CHST15: variants seen among roughly 807,000 people sequenced by gnomAD.
CHST15 encodes B cell RAG associated protein (GALNAC4S-6ST).
A neutral mutation model predicts 53.6 loss-of-function variants in CHST15; 30 were observed. The ratio of observed to expected loss-of-function variants is 0.56; its 90% CI spans 0.42 to 0.76. The LOEUF (loss-of-function observed/expected upper bound fraction) is 0.76, where lower values mean the gene tolerates loss of function less well. Among genes scored for constraint, CHST15 ranks in the 30% least tolerant of loss-of-function variants. The pLI is 0.00. For synonymous variants in CHST15, 296 were observed against 289.8 expected (o/e 1.02, Z -0.22); for missense variants, 627 against 740.5 (o/e 0.85, Z 1.78).
At chr10:124,087,150 G>A (rs1033856383) in intron 1 of CHST15, among the ~76,000 whole-genome samples, 1 of 152,160 alleles carries the variant, frequency 6.6e-6, no homozygotes, top group Admixed American at 6.5e-5. Context: ...CACCTCTCTC[G>A]ACCTCTTAGA....
chr10:124,064,836 C>T (rs990313419), intron 1 of CHST15, among the ~76,000 whole-genome samples: 8 of 152,308 alleles, frequency 5.3e-5, no homozygotes, highest in African/African-American at 7.2e-5. Context: ...CCTGAAACCC[C>T]AGACCACACT....
chr10:124,017,592 G>A (rs565302897), intron 6 of CHST15, among the ~76,000 whole-genome samples: 41 of 152,300 alleles, frequency 2.7e-4, no homozygotes, highest in Middle Eastern at 3.4e-3. Context: ...CTTCTCTCTT[G>A]GACCAGGGCC....
chr10:124,048,802 T>A (rs28446266), intron 1 of CHST15, among the ~76,000 whole-genome samples: 42,535 of 152,046 alleles, frequency 0.28, 6,125 homozygotes, highest in Middle Eastern at 0.39. Flanking sequence ...ACACGGACTT[T>A]GAAGCTCCAA....
At position 124,010,364 on chromosome 10, in the gene CHST15, G is replaced by A. The variant is rs192180685; in HGVS notation, c.1496-25C>T. 243 of 1,537,986 alleles carry A rather than the reference G, an allele frequency of 1.6e-4. No individual in the cohort carries two copies. In the African/African-American group the frequency reaches 2.8e-3, roughly 18 times the overall value. The stretch of plus-strand genomic sequence containing the variant: ...CCTAGAATAAAAGAAGACGAGTCCC[G>A]TAAGGCAGGAGGCATGGCAGGAAGT... On this transcript the variant is annotated intron_variant, in intron 7 of 7. Coordinates refer to ENST00000435907, the MANE Select transcript of CHST15 (RefSeq NM_001270764.2).
intron 1 of CHST15, among the ~76,000 whole-genome samples, chr10:124,076,301 ATGT>A (rs1253979843): frequency 6.6e-6 from 1 of 152,194 alleles, no homozygotes. Flanking sequence ...TCATTAGAGA[ATGT>A]TGGTCCTTGT....
chr10:124,076,749 G>A (rs6588748), intron 1 of CHST15, among the ~76,000 whole-genome samples: 90,821 of 149,080 alleles, frequency 0.61, 27,805 homozygotes, highest in Middle Eastern at 0.71. Context: ...TCGCTCTGTC[G>A]CCCAGGCTGG....
intron 1 of CHST15, among the ~76,000 whole-genome samples, chr10:124,087,586 A>G (rs776759250): frequency 6.6e-6 from 1 of 152,100 alleles, no homozygotes; most frequent in Non-Finnish European, 1.5e-5. Flanking sequence ...TTATAATGAT[A>G]CCCTCTGCTT....
intron 5 of CHST15, among the ~76,000 whole-genome samples, chr10:124,034,766 G>A (rs1214512341): frequency 1.4e-5 from 2 of 139,422 alleles, no homozygotes; most frequent in East Asian, 2.2e-4. Flanking sequence ...CAGGGACGCC[G>A]GCTCCACCCC....
Position 124,044,671 on chromosome 10 carries a change from C to T in CHST15, c.795G>A (p.Gly265=), listed in dbSNP as rs1198016673. ...HFYIIGQPKC[G]TTDLYDRLRL... is the part of the protein sequence containing the mutation. ...GCAGGCGGTCATAGAGGTCTGTGGTCCCGCACTTGGGCTGCCCTATGATGT... is the reference window on the plus strand; with the variant it reads ...GCAGGCGGTCATAGAGGTCTGTGGTTCCGCACTTGGGCTGCCCTATGATGT... Residue 265 remains glycine, a synonymous_variant, in exon 3 of 8, where the codon GGG becomes GGA. Transcript: ENST00000435907. 6.2e-7 allele frequency: 1 copy of T among 1,613,392 alleles called. No homozygotes were observed. The highest frequency in any genetic ancestry group is 1.3e-5 in the African/African-American group (1 of 74,994).
chr10:124,045,602 T>TA, intron 2 of CHST15, 65 bp downstream of exon 2: 1 of 1,435,810 alleles, frequency 7.0e-7, no homozygotes, highest in African/African-American at 1.4e-5. Flanking sequence ...AAGATGGTGA[T>TA]AGAAAGAAAA....
At chr10:124,038,160 G>A (rs1201470230) in intron 5 of CHST15, among the ~76,000 whole-genome samples, 1 of 149,016 alleles carries the variant, frequency 6.7e-6, no homozygotes, top group Non-Finnish European at 1.5e-5. Flanking sequence ...AGGCTGGAGT[G>A]CAGTTGCACC....
intron 3 of CHST15, among the ~76,000 whole-genome samples, chr10:124,044,202 T>G (rs992628736): frequency 8.5e-5 from 12 of 140,972 alleles, no homozygotes; most frequent in Non-Finnish European, 1.5e-4. Context: ...GGCACAGAGC[T>G]GGGAGCGGCA....
In CHST15 at chr10:124,045,124, A is replaced by AAAAAAC. The variant is rs1564882038; in HGVS notation, c.547-206_547-205insGTTTTT. On this transcript the variant is annotated intron_variant, in intron 2 of 7. Transcript: ENST00000435907. ...CCCCGCCGCCCCACAAAAAAAAAAA[A>AAAAAAC]AAAAAAAAAAAAAAAAAAAACTTGG... 1.7e-4 allele frequency among the ~76,000 whole-genome samples: 13 copies of AAAAAAC among 76,140 alleles called. No individual in the cohort carries two copies. The South Asian group carries it at 1.9e-3, about 11-fold the overall frequency. 50.0% of individuals were successfully genotyped at this position (76,140 alleles called of 152,430 possible).
chr10:124,071,543 T>C (rs147806086), intron 1 of CHST15, among the ~76,000 whole-genome samples: 27 of 152,362 alleles, frequency 1.8e-4, no homozygotes, highest in Middle Eastern at 3.4e-3. Context: ...TTAATTTTCA[T>C]GTAGTTCAAC....
At position 124,019,805 on chromosome 10, in the gene CHST15, A is replaced by ACCAGGTGGTGCGGCCC; in HGVS notation, c.1347+1435_1347+1450dup. On this transcript the variant is annotated intron_variant, in intron 6 of 7. Coordinates refer to ENST00000435907, the MANE Select transcript of CHST15 (RefSeq NM_001270764.2). This position sits in a 1 kb window ranked among gnomAD's most constrained non-coding sequence, Gnocchi z 4.6. ...ATGTCTAGACTTCTTCTGAGGCTAG[A>ACCAGGTGGTGCGGCCC]CCAGGTGGTGCGGCCCCATGTGCCA... is the stretch of plus-strand genomic sequence containing the variant. The ACCAGGTGGTGCGGCCC allele has an allele frequency of 1.0e-6, 1 of 985,384 alleles. No homozygotes were observed. Among genetic ancestry groups the ACCAGGTGGTGCGGCCC allele is most frequent in the Non-Finnish European group, 1.2e-6 (1 of 829,986 alleles). 61.0% of individuals were successfully genotyped at this position (985,384 alleles called of 1,614,324 possible). A position where few individuals can be genotyped will look rare whatever the true frequency, so the allele number is the denominator to read the frequency against.
At chr10:124,048,564 A>G (rs2134025511) in intron 1 of CHST15, among the ~76,000 whole-genome samples, 1 of 152,324 alleles carries the variant, frequency 6.6e-6, no homozygotes, top group African/African-American at 2.4e-5. Flanking sequence ...CCCCTGACCC[A>G]TCGCTTGCTA....
At chr10:124,020,909 A>C in intron 6 of CHST15, 1 of 1,339,242 alleles carries the variant, frequency 7.5e-7, no homozygotes, top group Non-Finnish European at 9.5e-7. Flanking sequence ...GCTCAAGAGA[A>C]TGCTCTTAAG....
chr10:124,058,400 A>T (rs1029171017), intron 1 of CHST15, among the ~76,000 whole-genome samples: 2 of 152,222 alleles, frequency 1.3e-5, no homozygotes, highest in Non-Finnish European at 2.9e-5. Context: ...GTCAGCACTG[A>T]GATTCCCCGA....
At chr10:124,085,031 A>G (rs1949373839) in intron 1 of CHST15, among the ~76,000 whole-genome samples, 1 of 152,240 alleles carries the variant, frequency 6.6e-6, no homozygotes, top group South Asian at 2.1e-4. Flanking sequence ...CCTTCCATGC[A>G]CAAAGCAAAC....
Sources: gnomAD v4.1 joint callset for allele counts (sites outside exome capture counted in the v4.1 genomes callset) on GRCh38, gnomAD v4.1.1 for gene constraint, Gnocchi (gnomAD v3.1) non-coding constraint, MANE v1.5 for transcripts, NCBI Gene and HGNC (gene_info 2026-07-23, HGNC 2026-07-21) for gene names.